The following WDR11 variants were observed in gnomAD, a reference collection of about 807,000 sequenced individuals.
WDR11 encodes the protein WD repeat domain 11.
In WDR11, 83 loss-of-function variants were observed where a neutral mutation model predicts 151.2. The ratio of observed to expected loss-of-function variants is 0.55; its 90% confidence interval spans 0.46 to 0.66. The LOEUF (loss-of-function observed/expected upper bound fraction) is 0.66. WDR11 is among the 30% of genes least tolerant of loss of function. The pLI is 0.00. For synonymous variants in WDR11, 484 were observed against 533.1 expected, an observed-to-expected ratio of 0.91 and a Z score of 1.27; for missense variants, 1,301 against 1,480.9, an observed-to-expected ratio of 0.88 and a Z score of 1.99.
chr10:120,898,299 T>C (rs1847685334), intron 19 of WDR11, among the ~76,000 whole-genome samples: 1 of 152,232 alleles, frequency 6.6e-6, no homozygotes, highest in Non-Finnish European at 1.5e-5. Flanking sequence ...CACAAACAGT[T>C]AAGCTCTATT....
At chr10:120,851,574 A>C (rs1214717394) in intron 1 of WDR11, 68 bp downstream of exon 1, 6 of 1,555,680 alleles carry the variant, frequency 3.9e-6, no homozygotes, top group Non-Finnish European at 5.2e-6. Flanking sequence ...GGGGAAGGAC[A>C]AGAGGTTTCA....
At chr10:120,905,840 G>A in intron 26 of WDR11, 36 bp from the exon 27 acceptor site, 3 of 1,614,118 alleles carry the variant, frequency 1.9e-6, no homozygotes, top group South Asian at 2.2e-5. Flanking sequence ...ATAGAGTGCA[G>A]GATGTTTTTG....
At chr10:120,889,763 G>GTCCCAC in intron 17 of WDR11, 132 bp from the exon 18 acceptor site, 1 of 727,440 alleles carries the variant, frequency 1.4e-6, no homozygotes, top group Non-Finnish European at 2.5e-6. Context: ...GTGGCCCCCA[G>GTCCCAC]TCCCAGCAAG....
intron 9 of WDR11, 98 bp from the exon 10 acceptor site, chr10:120,871,072 T>C: frequency 8.0e-7 from 1 of 1,251,816 alleles, no homozygotes; most frequent in Non-Finnish European, 1.1e-6. Flanking sequence ...ACATTATACT[T>C]TTAGACCTGA....
intron 9 of WDR11, among the ~76,000 whole-genome samples, chr10:120,868,369 G>A (rs1228046080): frequency 6.6e-5 from 10 of 151,976 alleles, no homozygotes; most frequent in Admixed American, 6.6e-5. Flanking sequence ...CAGGAGAATC[G>A]CTTGAACCTG....
intron 21 of WDR11, among the ~76,000 whole-genome samples, 171 bp downstream of exon 21, chr10:120,901,269 A>T (rs1681009077): frequency 6.6e-6 from 1 of 152,228 alleles, no homozygotes; most frequent in Admixed American, 6.5e-5. Context: ...TGTTTTGCAG[A>T]AAAAGTACTT....
chr10:120,866,828 C>A, intron 8 of WDR11, 64 bp downstream of exon 8: 1 of 1,581,618 alleles, frequency 6.3e-7, no homozygotes, highest in Non-Finnish European at 8.7e-7. Flanking sequence ...TAAAAAATTT[C>A]CATAATCATA....
Position 120,890,837 on chromosome 10 carries a change from A to T in WDR11, c.2465A>T (p.Glu822Val). 6.2e-7 allele frequency: 1 copy of T among 1,614,194 alleles called. No homozygotes were observed. The highest frequency in any genetic ancestry group is 1.1e-5 in the South Asian group (1 of 91,082). ...GATGATGGGTGCATCAGAGTCCTAG[A>T]GATGTCTATGAAGTCTGCGTGCTTT... ...ASDDGCIRVL[E>V]MSMKSACFRM... Residue 822 changes from glutamate to valine, a missense_variant, in exon 19 of 29, where the codon GAG (glutamate) becomes GTG (valine). Coordinates refer to ENST00000263461, the MANE Select transcript of WDR11 (RefSeq NM_018117.12).
intron 11 of WDR11, among the ~76,000 whole-genome samples, chr10:120,875,510 T>C (rs1486806118): frequency 2.0e-5 from 3 of 152,192 alleles, no homozygotes; most frequent in Non-Finnish European, 4.4e-5. Context: ...ATTTCCACTT[T>C]TTTGTTTGTT....
At chr10:120,890,641 C>A (rs891973635) in intron 18 of WDR11, 75 bp from the exon 19 acceptor site, 1 of 1,582,644 alleles carries the variant, frequency 6.3e-7, no homozygotes, top group Non-Finnish European at 8.7e-7. Context: ...AGACTGTCTT[C>A]CTTGACCATT....
intron 19 of WDR11, among the ~76,000 whole-genome samples, chr10:120,892,783 T>G (rs1847470373): frequency 1.3e-5 from 2 of 152,144 alleles, no homozygotes; most frequent in African/African-American, 4.8e-5. Context: ...AGATTAGAAT[T>G]CCTGTTTTTG....
At chr10:120,886,961 G>A in intron 16 of WDR11, 125 bp downstream of exon 16, 1 of 1,007,924 alleles carries the variant, frequency 9.9e-7, no homozygotes, top group Non-Finnish European at 1.5e-6. Flanking sequence ...TATTTAAGGA[G>A]ATATTATCGA....
intron 22 of WDR11, among the ~76,000 whole-genome samples, chr10:120,902,565 GT>G (rs1847869461): frequency 6.6e-6 from 1 of 151,930 alleles, no homozygotes; most frequent in Non-Finnish European, 1.5e-5. Context: ...TAAAATATGT[GT>G]TTTAAAATAT....
chr10:120,896,878 T>G (rs138390749), intron 19 of WDR11, among the ~76,000 whole-genome samples: 2 of 152,326 alleles, frequency 1.3e-5, no homozygotes, highest in African/African-American at 4.8e-5. Flanking sequence ...ACAGAGAGTT[T>G]TCTTGCAATG....
In WDR11 at chr10:120,905,981, T is replaced by C. The variant is rs765815063; in HGVS notation, c.3397T>C (p.Ser1133Pro). 6.2e-7 allele frequency: 1 copy of C among 1,614,110 alleles called. No homozygotes were observed. The highest frequency in any genetic ancestry group is 8.5e-7 in the Non-Finnish European group (1 of 1,180,028). Residue 1133 changes from serine (S) to proline (P), a missense_variant, in exon 27 of 29, where the codon TCT (serine) becomes CCT (proline). Coordinates refer to ENST00000263461, the MANE Select transcript of WDR11 (RefSeq NM_018117.12). ...QKSKALLVLL[S>P]LGCFFSVAET... Reference sequence around the variant, plus strand: ...ATCAAAGGCTCTCCTGGTTCTCCTCTCTCTGGGCTGCTTTTTTAGCGTGGC... The same window carrying C: ...ATCAAAGGCTCTCCTGGTTCTCCTCCCTCTGGGCTGCTTTTTTAGCGTGGC...
At chr10:120,851,545 G>T (rs749782417) in intron 1 of WDR11, 39 bp downstream of exon 1, 1 of 1,595,252 alleles carries the variant, frequency 6.3e-7, no homozygotes, top group African/African-American at 1.3e-5. Flanking sequence ...GGATCGGCCA[G>T]GAATGTGTGA....
chr10:120,886,857 A>G, intron 16 of WDR11, 21 bp downstream of exon 16: 1 of 1,613,784 alleles, frequency 6.2e-7, no homozygotes, highest in Non-Finnish European at 8.5e-7. Context: ...CCTTGATTAA[A>G]TCTTCATCAA....
At chr10:120,881,125 C>T (rs1279421167) in intron 13 of WDR11, among the ~76,000 whole-genome samples, 1 of 152,098 alleles carries the variant, frequency 6.6e-6, no homozygotes, top group Non-Finnish European at 1.5e-5. Flanking sequence ...TTGCATGAAT[C>T]GTTATTTACT....
intron 1 of WDR11, chr10:120,851,801 C>G: frequency 1.9e-6 from 1 of 514,028 alleles, no homozygotes; most frequent in Non-Finnish European, 3.5e-6. Context: ...TTCCTCTCCT[C>G]CAGCTTCCAG....
Sources: gnomAD v4.1 joint callset for allele counts (sites outside exome capture counted in the v4.1 genomes callset) on GRCh38, gnomAD v4.1.1 for gene constraint, MANE v1.5 for transcripts, NCBI Gene and HGNC (gene_info 2026-07-23, HGNC 2026-07-21) for gene names.